The following POU6F2 variants were observed in gnomAD, a reference collection of about 807,000 sequenced individuals.
POU6F2 encodes the protein POU domain, class 6, transcription factor 2.
Under a neutral mutation model 71.3 loss-of-function variants are expected in POU6F2, and 31 were observed. The observed-to-expected ratio is 0.43, with a 90% CI of 0.33 to 0.59. The LOEUF is 0.59. Among genes scored for constraint, POU6F2 ranks in the 20% least tolerant of loss-of-function variants. The pLI, the probability that POU6F2 is intolerant of heterozygous loss-of-function variation, is 0.04. For synonymous variants in POU6F2, 347 were observed against 355.7 expected, an observed-to-expected ratio of 0.98 and a Z score of 0.27; for missense variants, 783 against 856.8, an observed-to-expected ratio of 0.91 and a Z score of 1.07.
intron 1 of POU6F2, among the ~76,000 whole-genome samples, chr7:39,001,206 A>G (rs1284734432): frequency 6.8e-6 from 1 of 146,682 alleles, no homozygotes; most frequent in Non-Finnish European, 1.6e-5. Context: ...TTAAATTTCC[A>G]TAATGAGATG....
At chr7:39,161,079 C>T (rs1792985560) in intron 2 of POU6F2, among the ~76,000 whole-genome samples, 1 of 152,122 alleles carries the variant, frequency 6.6e-6, no homozygotes, top group Non-Finnish European at 1.5e-5. Context: ...CCAGGAGAAG[C>T]CAATGCACAA....
intron 1 of POU6F2, among the ~76,000 whole-genome samples, chr7:39,076,869 TAC>T (rs67222549): frequency 0.54 from 81,036 of 150,068 alleles, 21,947 homozygotes; most frequent in East Asian, 0.87. Flanking sequence ...AATGTTGAGA[TAC>T]ACACACACAC....
intron 1 of POU6F2, among the ~76,000 whole-genome samples, chr7:39,023,773 A>C (rs184881202): frequency 2.0e-5 from 3 of 152,162 alleles, no homozygotes; most frequent in Admixed American, 2.0e-4. Flanking sequence ...GTTCCATTTT[A>C]TATATTTTCT....
At chr7:39,212,137 C>T (rs777136759) in intron 4 of POU6F2, among the ~76,000 whole-genome samples, 1 of 152,142 alleles carries the variant, frequency 6.6e-6, no homozygotes, top group Non-Finnish European at 1.5e-5. Context: ...CTGAGATGTT[C>T]GTTTCTGTCC....
Position 39,064,662 on chromosome 7 carries a change from G to A in POU6F2, c.106-21198G>A, listed in dbSNP as rs536741040. Among the ~76,000 whole-genome samples the A allele has an allele frequency of 9.9e-5, 15 of 151,932 alleles. No homozygotes were observed. In the East Asian group the frequency reaches 2.9e-3, roughly 29 times the overall value. On this transcript the variant is annotated intron_variant, in intron 1 of 9. Transcript: ENST00000518318. Reference sequence around the variant, plus strand: ...ATGAATGTTTTAAATTTCTCTGTAAGATATGAATAGCAACTTTGCATTAAA... The same window carrying A: ...ATGAATGTTTTAAATTTCTCTGTAAAATATGAATAGCAACTTTGCATTAAA...
At chr7:39,380,138 A>G (rs572282071) in intron 5 of POU6F2, among the ~76,000 whole-genome samples, 2 of 152,240 alleles carry the variant, frequency 1.3e-5, no homozygotes, top group African/African-American at 4.8e-5. Flanking sequence ...GAATATTTTC[A>G]TGGCTCCATT....
intron 1 of POU6F2, among the ~76,000 whole-genome samples, chr7:39,049,359 A>G (rs900697987): frequency 2.0e-5 from 3 of 151,994 alleles, no homozygotes; most frequent in South Asian, 2.1e-4. Flanking sequence ...TGCATGATAT[A>G]CATATTTTGA....
intron 4 of POU6F2, among the ~76,000 whole-genome samples, chr7:39,327,446 A>G (rs553406512): frequency 1.2e-3 from 190 of 152,150 alleles, no homozygotes; most frequent in Middle Eastern, 3.4e-3. Context: ...ATATGGATTA[A>G]CACATACAAT....
intron 4 of POU6F2, among the ~76,000 whole-genome samples, chr7:39,274,219 T>TCAC (rs1319931639): frequency 6.6e-6 from 1 of 151,984 alleles, no homozygotes; most frequent in African/African-American, 2.4e-5. Context: ...AAAGGGGATA[T>TCAC]CACCACCGAT....
chr7:39,446,950 G>A (rs1298744270), intron 7 of POU6F2, among the ~76,000 whole-genome samples: 1 of 152,168 alleles, frequency 6.6e-6, no homozygotes, highest in Non-Finnish European at 1.5e-5. Context: ...TAACAGTAGG[G>A]CGAATAAATA....
intron 1 of POU6F2, among the ~76,000 whole-genome samples, chr7:39,014,619 G>A (rs2128704515): frequency 6.6e-6 from 1 of 152,150 alleles, no homozygotes; most frequent in South Asian, 2.1e-4. Context: ...AGAAAAAGCT[G>A]AATTTTTTTT....
intron 2 of POU6F2, among the ~76,000 whole-genome samples, chr7:39,143,175 T>TG (rs1347810170): frequency 6.6e-6 from 1 of 152,214 alleles, no homozygotes; most frequent in Admixed American, 6.5e-5. Context: ...TCGCCTTTGG[T>TG]GGTCTCCAAG....
chr7:39,029,887 T>G (rs1209305667), intron 1 of POU6F2, among the ~76,000 whole-genome samples: 2 of 152,174 alleles, frequency 1.3e-5, no homozygotes, highest in African/African-American at 2.4e-5. Context: ...GGGTTAAAAG[T>G]GACTTGGTCA....
chr7:38,981,332 C>T lies in POU6F2; in HGVS notation c.105+3274C>T, dbSNP rs549737202. ...ATTAGTTCATCAGTACTGCGGACCT[C>T]CTGTTTTTGTTTTTTCTCATCTCAT... On this transcript the variant is annotated intron_variant, in intron 1 of 9. Coordinates refer to ENST00000518318, the MANE Select transcript of POU6F2 (RefSeq NM_001370959.1). Among the ~76,000 whole-genome samples the T allele has an allele frequency of 2.0e-5, 3 of 152,152 alleles. No individual in the cohort carries two copies. The East Asian group carries it at 5.8e-4, about 29-fold the overall frequency.
chr7:39,170,219 T>A (rs1040305636), intron 2 of POU6F2, among the ~76,000 whole-genome samples: 1 of 152,196 alleles, frequency 6.6e-6, no homozygotes, highest in Non-Finnish European at 1.5e-5. Context: ...GTTTAGTCTT[T>A]ACATATTTCT....
At chr7:39,302,277 C>T (rs1409106301) in intron 4 of POU6F2, among the ~76,000 whole-genome samples, 1 of 152,036 alleles carries the variant, frequency 6.6e-6, no homozygotes, top group African/African-American at 2.4e-5. Context: ...GGGGATCTAC[C>T]CCACCACAGG....
intron 4 of POU6F2, among the ~76,000 whole-genome samples, chr7:39,249,653 T>C (rs1010293018): frequency 5.3e-5 from 8 of 152,204 alleles, no homozygotes; most frequent in Admixed American, 1.3e-4. Context: ...AGCTTTTTCT[T>C]TGTAATAGTG....
At chr7:39,071,476 T>C (rs1790878374) in intron 1 of POU6F2, among the ~76,000 whole-genome samples, 1 of 151,872 alleles carries the variant, frequency 6.6e-6, no homozygotes, top group Non-Finnish European at 1.5e-5. Flanking sequence ...CCTTGGCATA[T>C]AGTACTCACT....
intron 1 of POU6F2, among the ~76,000 whole-genome samples, chr7:39,061,250 T>C (rs1408214429): frequency 6.6e-6 from 1 of 152,180 alleles, no homozygotes; most frequent in Non-Finnish European, 1.5e-5. Context: ...TATTCTATTA[T>C]GATATGTTTA....
Sources: allele counts gnomAD v4.1 joint callset (sites outside exome capture counted in the v4.1 genomes callset), GRCh38; gene constraint gnomAD v4.1.1; transcripts MANE v1.5; gene names NCBI Gene and HGNC (gene_info 2026-07-23, HGNC 2026-07-21).